WDFY2: variants seen among roughly 807,000 people sequenced by gnomAD.
The protein encoded by WDFY2 is WD repeat and FYVE domain containing 2.
Under a neutral mutation model 56.4 loss-of-function variants are expected in WDFY2, and 36 were observed. That is an observed-to-expected ratio of 0.64 (90% CI 0.49 to 0.84). WDFY2 has a LOEUF of 0.84. Ranked by LOEUF, WDFY2 falls within the 40% of genes least tolerant of loss-of-function variation. The probability of loss-of-function intolerance (pLI) is 0.00; values close to 1 mark genes in which losing one functional copy is unlikely to be tolerated. For synonymous variants in WDFY2, 176 were observed against 183.7 expected, an observed-to-expected ratio of 0.96 and a Z score of 0.34; for missense variants, 444 against 512.2, an observed-to-expected ratio of 0.87 and a Z score of 1.29.
At chr13:51,686,572 A>T in intron 3 of WDFY2, among the ~76,000 whole-genome samples, 1 of 152,124 alleles carries the variant, frequency 6.6e-6, no homozygotes, top group Non-Finnish European at 1.5e-5. Flanking sequence ...TTTACATGTA[A>T]TATTGGCTTT....
intron 6 of WDFY2, among the ~76,000 whole-genome samples, chr13:51,738,209 T>C (rs1261283104): frequency 6.6e-6 from 1 of 152,210 alleles, no homozygotes; most frequent in Non-Finnish European, 1.5e-5. Context: ...TCTTAAGTGT[T>C]TGCAGGCTTT....
intron 6 of WDFY2, among the ~76,000 whole-genome samples, chr13:51,728,856 T>C (rs1172881748): frequency 2.0e-5 from 3 of 151,912 alleles, no homozygotes; most frequent in African/African-American, 7.2e-5. Flanking sequence ...TGGCCAAGAC[T>C]GGGCCTGGGG....
chr13:51,615,652 G>T (rs955058869), intron 1 of WDFY2, among the ~76,000 whole-genome samples: 1 of 152,128 alleles, frequency 6.6e-6, no homozygotes, highest in Non-Finnish European at 1.5e-5. Flanking sequence ...CATCAGTAGG[G>T]ACATGGTTAA....
At chr13:51,682,203 C>G (rs1002050599) in intron 3 of WDFY2, among the ~76,000 whole-genome samples, 2 of 152,120 alleles carry the variant, frequency 1.3e-5, no homozygotes, top group African/African-American at 4.8e-5. Context: ...CAGGAGTTAC[C>G]TTGGCCACAT....
intron 4 of WDFY2, among the ~76,000 whole-genome samples, 164 bp downstream of exon 4, chr13:51,703,814 C>T (rs1398550925): frequency 6.6e-6 from 1 of 152,084 alleles, no homozygotes; most frequent in Non-Finnish European, 1.5e-5. Context: ...AACTGAGGCC[C>T]AATGAGGTTG....
intron 1 of WDFY2, among the ~76,000 whole-genome samples, chr13:51,599,914 A>C (rs1015143685): frequency 5.3e-5 from 8 of 151,950 alleles, no homozygotes; most frequent in African/African-American, 1.4e-4. Context: ...AAAACAAAAC[A>C]AAAAAACCAA....
chr13:51,692,123 A>G (rs1956173263), intron 3 of WDFY2, among the ~76,000 whole-genome samples: 1 of 152,210 alleles, frequency 6.6e-6, no homozygotes, highest in Admixed American at 6.5e-5. Context: ...TAGATATACA[A>G]TCATGTCATC....
intron 3 of WDFY2, among the ~76,000 whole-genome samples, chr13:51,692,662 G>T (rs1240014455): frequency 2.0e-5 from 3 of 151,436 alleles, no homozygotes; most frequent in Non-Finnish European, 3.0e-5. Context: ...TCTCTTTTTT[G>T]GTTGTATCTC....
chr13:51,735,198 G>A (rs1449524413), intron 6 of WDFY2, among the ~76,000 whole-genome samples: 1 of 152,208 alleles, frequency 6.6e-6, no homozygotes, highest in East Asian at 1.9e-4. Context: ...ATCCCAGGCT[G>A]TCCTGGATGC....
intron 3 of WDFY2, among the ~76,000 whole-genome samples, chr13:51,697,150 G>T (rs1000352478): frequency 2.0e-5 from 3 of 152,096 alleles, no homozygotes; most frequent in African/African-American, 7.2e-5. Context: ...AATACTAATG[G>T]AAAGGACATA....
At chr13:51,703,253 T>TTAGA (rs1460289772) in intron 3 of WDFY2, among the ~76,000 whole-genome samples, 2 of 152,224 alleles carry the variant, frequency 1.3e-5, no homozygotes, top group Admixed American at 1.3e-4. Flanking sequence ...TCCTTACTGG[T>TTAGA]TAGAGCCTTG....
rs556573268 is a variant in WDFY2, at chr13:51,694,248, C to G, written c.280-9348C>G. On this transcript the variant is annotated intron_variant, in intron 3 of 11. Transcript: ENST00000298125. ...ATTATGATGTTAGCTGGTTATTTTGCCCGTTACTTGATGCAGTTTCTTCCT... is the reference window on the plus strand; with the variant it reads ...ATTATGATGTTAGCTGGTTATTTTGGCCGTTACTTGATGCAGTTTCTTCCT... Among the ~76,000 whole-genome samples the G allele has an allele frequency of 3.1e-3, 473 of 152,252 alleles. 2 individuals are homozygous for G. The highest frequency in any genetic ancestry group is 0.011 in the African/African-American group (455 of 41,538).
intron 4 of WDFY2, among the ~76,000 whole-genome samples, chr13:51,705,162 C>T (rs1593433116): frequency 6.6e-6 from 1 of 152,328 alleles, no homozygotes; most frequent in East Asian, 1.9e-4. Flanking sequence ...AAGGGACTGA[C>T]ACCCTAGTTT....
rs981446216 is a variant in WDFY2 at position 51,766,453 on chromosome 13, C to G, written c.*6684C>G. 2 of 152,164 alleles carry G rather than the reference C, an allele frequency of 1.3e-5. No individual in the cohort carries two copies. The highest frequency in any genetic ancestry group is 4.8e-5 in the African/African-American group (2 of 41,442). 9.4% of individuals were successfully genotyped at this position (152,164 alleles called of 1,614,324 possible). On this transcript the variant is annotated 3_prime_UTR_variant, in exon 12 of 12. Coordinates refer to ENST00000298125, the MANE Select transcript of WDFY2 (RefSeq NM_052950.4). ...TTTCTTTTTTTAAAGTGAGGAGATT[C>G]TTCAGGGGGTCAGGCTGAGAATGTA...
At chr13:51,653,481 A>C (rs1172156066) in intron 1 of WDFY2, among the ~76,000 whole-genome samples, 1 of 152,144 alleles carries the variant, frequency 6.6e-6, no homozygotes, top group East Asian at 1.9e-4. Flanking sequence ...AGGCACTCTG[A>C]TTTTTAGAAT....
chr13:51,638,959 C>CT (rs1955105862), intron 1 of WDFY2, among the ~76,000 whole-genome samples: 1 of 152,140 alleles, frequency 6.6e-6, no homozygotes, highest in African/African-American at 2.4e-5. Flanking sequence ...ACAGCTATTG[C>CT]TTTTACCCCA....
At chr13:51,683,165 T>G (rs537546390) in intron 3 of WDFY2, among the ~76,000 whole-genome samples, 54 of 152,336 alleles carry the variant, frequency 3.5e-4, no homozygotes, top group African/African-American at 1.2e-3. Context: ...AGTGACTCCC[T>G]TATTTTCGTG....
chr13:51,724,831 T>G (rs1298214043), intron 5 of WDFY2, among the ~76,000 whole-genome samples: 2 of 152,232 alleles, frequency 1.3e-5, no homozygotes, highest in African/African-American at 2.4e-5. Flanking sequence ...TGGAATAGTT[T>G]CACTGCTCTA....
intron 5 of WDFY2, among the ~76,000 whole-genome samples, chr13:51,724,272 T>C (rs1566185855): frequency 6.8e-6 from 1 of 147,112 alleles, no homozygotes; most frequent in Non-Finnish European, 1.5e-5. Context: ...CGTTTCACTC[T>C]TGCCATCCAG....
Sources: allele counts gnomAD v4.1 joint callset (sites outside exome capture counted in the v4.1 genomes callset), GRCh38; gene constraint gnomAD v4.1.1; transcripts MANE v1.5; gene names NCBI Gene and HGNC (gene_info 2026-07-23, HGNC 2026-07-21).